The following MIDEAS variants were observed in gnomAD, a reference collection of about 807,000 sequenced individuals.
MIDEAS encodes mitotic deacetylase associated SANT domain protein.
In MIDEAS, 26 loss-of-function variants were observed where a neutral mutation model predicts 102.7. That is an observed-to-expected ratio of 0.25 (90% CI 0.19 to 0.35). The LOEUF (loss-of-function observed/expected upper bound fraction) is 0.35. Ranked by LOEUF, MIDEAS falls within the 10% of genes least tolerant of loss-of-function variation. The probability of loss-of-function intolerance (pLI) is 1.00; values close to 1 mark genes in which losing one functional copy is unlikely to be tolerated. For synonymous variants in MIDEAS, 585 were observed against 591.0 expected, an observed-to-expected ratio of 0.99 and a Z score of 0.15; for missense variants, 1,231 against 1,435.6, an observed-to-expected ratio of 0.86 and a Z score of 2.30.
In MIDEAS at chr14:73,725,507, T is replaced by C. The variant is rs1268173421; in HGVS notation, c.2486-147A>G. 6.2e-6 allele frequency: 4 copies of C among 640,580 alleles called. No individual in the cohort carries two copies. The highest frequency in any genetic ancestry group is 5.2e-5 in the Admixed American group (2 of 38,308). 39.7% of individuals were successfully genotyped at this position (640,580 alleles called of 1,614,324 possible). ...GCTCCTCGTCCCACTTCCATGTGCCTCACAGCCTCGCTCCCTTGCTTGTGA... is the reference window on the plus strand; with the variant it reads ...GCTCCTCGTCCCACTTCCATGTGCCCCACAGCCTCGCTCCCTTGCTTGTGA... On this transcript the variant is annotated intron_variant, in intron 8 of 12. Transcript: ENST00000423556. The surrounding 1 kb of genome is among the most constrained non-coding windows in gnomAD (Gnocchi z 4.1).
intron 1 of MIDEAS, among the ~76,000 whole-genome samples, chr14:73,773,120 A>T (rs2140170435): frequency 6.6e-6 from 1 of 151,944 alleles, no homozygotes; most frequent in East Asian, 2.0e-4. Context: ...TTACAGATGT[A>T]AGCCACCACG....
In MIDEAS at chr14:73,725,017, A is replaced by C. The variant is rs920103805; in HGVS notation, c.2574+255T>G. On this transcript the variant is annotated intron_variant, in intron 9 of 12. Transcript: ENST00000423556. The surrounding 1 kb of genome is among the most constrained non-coding windows in gnomAD (Gnocchi z 4.1). Reference sequence around the variant, plus strand: ...CCTGCCTATTTTAAGTCTGATGCCCACTTAGGCCTCCTTCTGGATTGAGAC... The same window carrying C: ...CCTGCCTATTTTAAGTCTGATGCCCCCTTAGGCCTCCTTCTGGATTGAGAC... 1.1e-5 allele frequency: 4 copies of C among 370,884 alleles called. No homozygotes were observed. The highest frequency in any genetic ancestry group is 4.1e-5 in the African/African-American group (2 of 48,454). 23.0% of individuals were successfully genotyped at this position (370,884 alleles called of 1,614,324 possible). A position where few individuals can be genotyped will look rare whatever the true frequency, so the allele number is the denominator to read the frequency against.
chr14:73,721,265 C>T (rs1381217841), intron 11 of MIDEAS, 32 bp downstream of exon 11: 1 of 1,603,716 alleles, frequency 6.2e-7, no homozygotes, highest in Admixed American at 1.7e-5. Context: ...ACCCTGCTTG[C>T]CCTGGGCTCA....
chr14:73,738,786 T>C lies in MIDEAS; in HGVS notation c.1223A>G (p.Gln408Arg). The C allele has an allele frequency of 6.3e-7, 1 of 1,583,930 alleles. No individual in the cohort carries two copies. Among genetic ancestry groups the C allele is most frequent in the Non-Finnish European group, 8.6e-7 (1 of 1,163,874 alleles). Residue 408 changes from glutamine to arginine, a missense_variant, in exon 2 of 13, where the codon CAG (glutamine) becomes CGG (arginine). Physicochemically the swap from Gln to Arg is conservative, Grantham distance 43 (BLOSUM62 1). This residue lies in a region of MIDEAS where 758 missense variants were observed against 856.0 expected (regional missense o/e 0.89). Coordinates refer to ENST00000423556, the MANE Select transcript of MIDEAS (RefSeq NM_001367710.1). The part of the protein sequence containing the change: ...LGFPLELRES[Q>R]LLPDGERLAP... ...TAGTCTCTCCCCATCAGGCAGTAGC[T>C]GCGACTCCCTCAGCTCCAGCGGGAA...
rs1463702927 is a variant in MIDEAS, at chr14:73,726,055, C to T, written c.2463G>A (p.Pro821=). 1.1e-5 allele frequency: 17 copies of T among 1,598,746 alleles called. No individual in the cohort carries two copies. The East Asian group carries it at 2.0e-4, about 19-fold the overall frequency. Reference sequence around the variant, plus strand: ...CACCTGTGTAGTGATAAGTTGCCAGCGGATGGTTGTGGGGCCGCAGGGGCT... The same window carrying T: ...CACCTGTGTAGTGATAAGTTGCCAGTGGATGGTTGTGGGGCCGCAGGGGCT... ...LKKPLRPHNH[P]LATYHYTGSD... The change falls in exon 8 of 13, where the codon CCG becomes CCA. Residue 821 remains proline, a synonymous_variant. Coordinates refer to ENST00000423556, the MANE Select transcript of MIDEAS (RefSeq NM_001367710.1).
At position 73,771,739 on chromosome 14, in the gene MIDEAS, T is replaced by C. The variant is rs563859455; in HGVS notation, c.-248+15363A>G. On this transcript the variant is annotated intron_variant, in intron 1 of 11. Coordinates refer to the MIDEAS transcript ENST00000394071. Reference sequence around the variant, plus strand: ...ACGGCCCTGCCTGCTAGGTCAGATGTGAACTGGATGGATGTGGCTAGCATT... The same window carrying C: ...ACGGCCCTGCCTGCTAGGTCAGATGCGAACTGGATGGATGTGGCTAGCATT... Among the ~76,000 whole-genome samples the C allele has an allele frequency of 8.3e-4, 127 of 152,280 alleles. 1 individual carries two copies. Among genetic ancestry groups the C allele is most frequent in the African/African-American group, 3.0e-3 (123 of 41,564 alleles).
chr14:73,764,339 C>CAAAA (rs5809629), upstream of MIDEAS, among the ~76,000 whole-genome samples: 11 of 88,252 alleles, frequency 1.2e-4, no homozygotes, highest in South Asian at 4.1e-4. Flanking sequence ...GACCCTGTCT[C>CAAAA]AAAAAAAAAA....
intron 4 of MIDEAS, chr14:73,728,937 C>G (rs995908576): frequency 6.6e-5 from 10 of 152,498 alleles, no homozygotes; most frequent in Admixed American, 3.3e-4. Context: ...AGAGCTACAC[C>G]ATGGGTGAGG....
intron 1 of MIDEAS, among the ~76,000 whole-genome samples, chr14:73,784,742 A>T (rs1203816917): frequency 6.6e-6 from 1 of 152,178 alleles, no homozygotes; most frequent in Non-Finnish European, 1.5e-5. Flanking sequence ...GGGTTGTGCA[A>T]CCTGTGGTGA....
rs149124754 is a variant in MIDEAS at position 73,729,767 on chromosome 14, C to T, written c.1968G>A (p.Pro656=). 1.3e-5 allele frequency: 21 copies of T among 1,613,834 alleles called. No individual in the cohort carries two copies. The highest frequency in any genetic ancestry group is 1.6e-4 in the Middle Eastern group (1 of 6,084). The change falls in exon 4 of 13, where the codon CCG becomes CCA. Residue 656 remains proline, a synonymous_variant. Coordinates refer to ENST00000423556, the MANE Select transcript of MIDEAS (RefSeq NM_001367710.1). ...CCCGCACAGGGCTGAGGATGGGGGG[C>T]GGCGTGTAGGGAGGTAGCTCAAAGC... ...ERSFELPPYT[P]PPILSPVREG...
At chr14:73,766,931 C>A (rs1164641767) in intron 1 of MIDEAS, among the ~76,000 whole-genome samples, 1 of 148,136 alleles carries the variant, frequency 6.8e-6, no homozygotes, top group Non-Finnish European at 1.5e-5. Flanking sequence ...TCTCAGCTCA[C>A]TGCAACCTCC....
At chr14:73,728,778 T>G (rs957774586) in intron 4 of MIDEAS, 3 of 152,310 alleles carry the variant, frequency 2.0e-5, no homozygotes, top group Non-Finnish European at 4.4e-5. Flanking sequence ...GTGGACAGAC[T>G]GACCTCTCGC....
At chr14:73,784,114 G>C (rs999045710) in intron 1 of MIDEAS, among the ~76,000 whole-genome samples, 2 of 152,194 alleles carry the variant, frequency 1.3e-5, no homozygotes, top group African/African-American at 2.4e-5. Flanking sequence ...TTTCCTCTTA[G>C]AACAATAAAA....
Position 73,719,459 on chromosome 14 carries a change from G to C in MIDEAS, c.2980C>G (p.Pro994Ala). The C allele has an allele frequency of 6.2e-7, 1 of 1,614,020 alleles. No individual in the cohort carries two copies. Among genetic ancestry groups the C allele is most frequent in the Non-Finnish European group, 8.5e-7 (1 of 1,179,998 alleles). ...GAGGCCTGGCCACCGGCAGACCCAG[G>C]GGCGTTGGACTCGTGGCTCCGGAGG... ...LILRSHESNA[P>A]GSAGGQASEK... The change falls in exon 12 of 13, where the codon CCT (proline) becomes GCT (alanine). Residue 994 changes from proline to alanine, a missense_variant. This residue lies in a region of MIDEAS where 391 missense variants were observed against 483.0 expected (regional missense o/e 0.81). Transcript: ENST00000423556.
At chr14:73,745,210 C>A (rs938854758) in intron 1 of MIDEAS, among the ~76,000 whole-genome samples, 1 of 152,214 alleles carries the variant, frequency 6.6e-6, no homozygotes, top group Non-Finnish European at 1.5e-5. Flanking sequence ...TCCCACCCTA[C>A]CCCTGGCCCC....
Position 73,726,920 on chromosome 14 carries a change from G to A in MIDEAS, c.2215C>T (p.Arg739Cys), listed in dbSNP as rs552919914. 8.7e-6 allele frequency: 14 copies of A among 1,613,804 alleles called. No homozygotes were observed. The East Asian group carries it at 8.9e-5, about 10-fold the overall frequency. ...TGGGGATCTGCAGCTGCCAGGGCAC[G>A]GTCCCTCATCAAGGGGATTTCTGCC... is the stretch of plus-strand genomic sequence containing the variant. ...FQAEIPLMRD[R>C]ALAAADPHKA... The change falls in exon 6 of 13, where the codon CGT becomes TGT. Residue 739 changes from arginine to cysteine, a missense_variant. Around this residue, in one of 5 missense-constraint regions of MIDEAS, gnomAD observed 391 missense variants for 483.0 expected, o/e 0.81. Transcript: ENST00000423556.
At chr14:73,748,370 G>C (rs1397372720) in intron 1 of MIDEAS, among the ~76,000 whole-genome samples, 1 of 152,072 alleles carries the variant, frequency 6.6e-6, no homozygotes, top group Non-Finnish European at 1.5e-5. Flanking sequence ...GATATAAATA[G>C]GTTGAAAGTA....
At position 73,738,757 on chromosome 14, in the gene MIDEAS, G is replaced by A. The variant is rs2053238530; in HGVS notation, c.1252C>T (p.Pro418Ser). The A allele has an allele frequency of 1.2e-6, 2 of 1,605,100 alleles. No homozygotes were observed. The highest frequency in any genetic ancestry group is 1.7e-6 in the Non-Finnish European group (2 of 1,175,566). Residue 418 changes from proline (P) to serine (S), a missense_variant, in exon 2 of 13, where the codon CCC becomes TCC. Around this residue, in one of 5 missense-constraint regions of MIDEAS, gnomAD observed 758 missense variants for 856.0 expected, o/e 0.89. Coordinates refer to ENST00000423556, the MANE Select transcript of MIDEAS (RefSeq NM_001367710.1). ...QLLPDGERLA[P>S]NGREREAPAM... ...GGAGCCTCTCGCTCCCGGCCATTGGGTGCTAGTCTCTCCCCATCAGGCAGT... is the reference window on the plus strand; with the variant it reads ...GGAGCCTCTCGCTCCCGGCCATTGGATGCTAGTCTCTCCCCATCAGGCAGT...
intron 1 of MIDEAS, chr14:73,754,886 G>C (rs570634961): frequency 2.0e-5 from 3 of 152,304 alleles, no homozygotes; most frequent in Admixed American, 2.0e-4. Flanking sequence ...GAAAAGCAGG[G>C]AATCAAAATC....
Sources: gnomAD v4.1 joint callset for allele counts (sites outside exome capture counted in the v4.1 genomes callset) on GRCh38, gnomAD v4.1.1 for gene constraint, gnomAD v4.1.1 regional missense constraint, Gnocchi (gnomAD v3.1) non-coding constraint, MANE v1.5 for transcripts, NCBI Gene and HGNC (gene_info 2026-07-23, HGNC 2026-07-21) for gene names.